EPHA3: variants seen among roughly 807,000 people sequenced by gnomAD.
EPHA3 encodes the protein EPH receptor A3, also known as ephrin type-A receptor 3.
In EPHA3, 42 loss-of-function variants were observed where a neutral mutation model predicts 107.1. The ratio of observed to expected loss-of-function variants is 0.39; its 90% confidence interval spans 0.31 to 0.51. EPHA3 has a LOEUF of 0.51. EPHA3 is among the 20% of genes least tolerant of loss of function. EPHA3 has a pLI of 0.78. For missense variants in EPHA3, 1,183 were observed against 1,211.2 expected (o/e 0.98, Z 0.35); for synonymous variants, 461 against 424.8 (o/e 1.09, Z -1.05).
chr3:89,336,846 A>G (rs1173628510), intron 3 of EPHA3, among the ~76,000 whole-genome samples: 1 of 152,074 alleles, frequency 6.6e-6, no homozygotes, highest in African/African-American at 2.4e-5. Flanking sequence ...GAAACTCTTA[A>G]GGCCAGGAAT....
chr3:89,127,014 G>T (rs992923182), intron 1 of EPHA3, among the ~76,000 whole-genome samples, 195 bp from the exon 2 acceptor site: 28 of 151,762 alleles, frequency 1.8e-4, no homozygotes, highest in African/African-American at 6.0e-4. Context: ...AAAGGACACA[G>T]AAACTTTTGA....
intron 5 of EPHA3, among the ~76,000 whole-genome samples, chr3:89,368,001 G>C (rs1208477829): frequency 2.0e-5 from 3 of 150,490 alleles, no homozygotes; most frequent in African/African-American, 7.3e-5. Flanking sequence ...CGTGACCAAG[G>C]CATGGCTCAC....
intron 5 of EPHA3, among the ~76,000 whole-genome samples, chr3:89,385,289 C>G (rs1708592740): frequency 6.6e-6 from 1 of 152,180 alleles, no homozygotes; most frequent in Non-Finnish European, 1.5e-5. Context: ...TATGGTTTGA[C>G]TCTGTGTCCC....
intron 2 of EPHA3, among the ~76,000 whole-genome samples, chr3:89,191,924 A>G (rs1045506255): frequency 2.0e-5 from 3 of 152,222 alleles, no homozygotes; most frequent in Admixed American, 6.5e-5. Flanking sequence ...AATATAAATC[A>G]AAGAAGCAGG....
intron 3 of EPHA3, among the ~76,000 whole-genome samples, chr3:89,307,059 T>TA (rs1706641190): frequency 6.6e-6 from 1 of 152,202 alleles, no homozygotes; most frequent in Non-Finnish European, 1.5e-5. Flanking sequence ...CATAATGATA[T>TA]AAGTTATTAC....
chr3:89,392,437 G>GAA (rs74591061), intron 5 of EPHA3, among the ~76,000 whole-genome samples: 31 of 140,664 alleles, frequency 2.2e-4, no homozygotes, highest in African/African-American at 7.0e-4. Context: ...AAACTCCATC[G>GAA]AAAAAAAAAA....
chr3:89,221,904 T>C (rs2107207747), intron 3 of EPHA3, among the ~76,000 whole-genome samples: 1 of 152,238 alleles, frequency 6.6e-6, no homozygotes, highest in South Asian at 2.1e-4. Context: ...AAATTGGTTA[T>C]AAGAGTTGAG....
chr3:89,318,805 T>G (rs765600618), intron 3 of EPHA3, among the ~76,000 whole-genome samples: 5 of 151,942 alleles, frequency 3.3e-5, no homozygotes, highest in South Asian at 2.1e-4. Flanking sequence ...ATGAGTTTTC[T>G]TATACTGTCT....
intron 2 of EPHA3, among the ~76,000 whole-genome samples, chr3:89,156,785 G>T (rs913828446): frequency 2.0e-5 from 3 of 151,846 alleles, no homozygotes; most frequent in African/African-American, 7.3e-5. Flanking sequence ...GACCATGAAA[G>T]TGCTAAATAT....
In EPHA3 at chr3:89,407,128, C is replaced by G. The variant is rs189922014; in HGVS notation, c.1595-141C>G. 1.3e-3 allele frequency: 798 copies of G among 603,594 alleles called. 2 individuals are homozygous for G. Among genetic ancestry groups the G allele is most frequent in the Middle Eastern group, 9.0e-3 (23 of 2,558 alleles). 37.4% of individuals were successfully genotyped at this position (603,594 alleles called of 1,614,324 possible). The stretch of plus-strand genomic sequence containing the variant: ...TTAAACATTAAGTAAAGAATACTTT[C>G]AACATTGTATCAGACATTAAGCCAT... On this transcript the variant is annotated intron_variant, in intron 7 of 16. Coordinates refer to ENST00000336596, the MANE Select transcript of EPHA3 (RefSeq NM_005233.6).
chr3:89,398,301 T>G (rs1286947555), intron 6 of EPHA3, among the ~76,000 whole-genome samples: 1 of 152,210 alleles, frequency 6.6e-6, no homozygotes, highest in Non-Finnish European at 1.5e-5. Flanking sequence ...GCTCTGTGTA[T>G]AATAATATAT....
chr3:89,369,142 G>C (rs957225201), intron 5 of EPHA3, among the ~76,000 whole-genome samples: 1 of 150,308 alleles, frequency 6.7e-6, no homozygotes, highest in African/African-American at 2.4e-5. Context: ...GAGAACTCAA[G>C]GAATGGTAAG....
intron 3 of EPHA3, among the ~76,000 whole-genome samples, chr3:89,263,802 C>G (rs1705476611): frequency 6.6e-6 from 1 of 152,066 alleles, no homozygotes; most frequent in Non-Finnish European, 1.5e-5. Context: ...AATTTTGGGC[C>G]GTGGTTTCAG....
chr3:89,225,053 G>T (rs1249063282), intron 3 of EPHA3, among the ~76,000 whole-genome samples: 2 of 151,974 alleles, frequency 1.3e-5, no homozygotes, highest in Admixed American at 6.6e-5. Flanking sequence ...ATGTAAAAAT[G>T]TGAAAGTTAT....
chr3:89,450,872 C>T (rs1169446455), intron 15 of EPHA3, among the ~76,000 whole-genome samples: 8 of 152,146 alleles, frequency 5.3e-5, no homozygotes, highest in Non-Finnish European at 5.9e-5. Context: ...TGCCACTGCA[C>T]TCCAGCCTGG....
chr3:89,200,283 G>A (rs1317488478), intron 2 of EPHA3, among the ~76,000 whole-genome samples: 3 of 152,132 alleles, frequency 2.0e-5, no homozygotes, highest in Non-Finnish European at 2.9e-5. Context: ...TGTTGATGCT[G>A]CATCTTTCAG....
At chr3:89,262,177 G>A (rs544309862) in intron 3 of EPHA3, among the ~76,000 whole-genome samples, 1 of 152,116 alleles carries the variant, frequency 6.6e-6, no homozygotes, top group Non-Finnish European at 1.5e-5. Flanking sequence ...ACTGTCATCA[G>A]TATTGATAGT....
chr3:89,144,853 G>A (rs747155250), intron 2 of EPHA3, among the ~76,000 whole-genome samples: 4 of 151,596 alleles, frequency 2.6e-5, no homozygotes, highest in African/African-American at 4.8e-5. Context: ...GAGGAAAAAA[G>A]TCCAGAATAG....
intron 3 of EPHA3, among the ~76,000 whole-genome samples, chr3:89,266,035 C>T (rs1236256036): frequency 2.0e-5 from 3 of 152,102 alleles, no homozygotes; most frequent in South Asian, 2.1e-4. Flanking sequence ...GATATATAAA[C>T]ACAATTAAAT....
Sources: gnomAD v4.1 joint callset for allele counts (sites outside exome capture counted in the v4.1 genomes callset) on GRCh38, gnomAD v4.1.1 for gene constraint, MANE v1.5 for transcripts, NCBI Gene and HGNC (gene_info 2026-07-23, HGNC 2026-07-21) for gene names.